The following AKAP6 variants were observed in gnomAD, a reference collection of about 807,000 sequenced individuals.
AKAP6 encodes the protein A-kinase anchoring protein 6.
In AKAP6, 58 loss-of-function variants were observed where a neutral mutation model predicts 188.5. The ratio of observed to expected loss-of-function variants is 0.31; its 90% CI spans 0.25 to 0.38. AKAP6 has a LOEUF of 0.38. Among genes scored for constraint, AKAP6 ranks in the 10% least tolerant of loss-of-function variants. The pLI is 1.00. For missense variants in AKAP6, 2,710 were observed against 2,740.0 expected, an observed-to-expected ratio of 0.99 and a Z score of 0.24; for synonymous variants, 989 against 998.6, an observed-to-expected ratio of 0.99 and a Z score of 0.18.
chr14:32,344,156 T>C (rs1326596628), intron 1 of AKAP6, among the ~76,000 whole-genome samples: 1 of 152,212 alleles, frequency 6.6e-6, no homozygotes, highest in East Asian at 1.9e-4. Context: ...CTAGAAGCTC[T>C]TTCTGGAGCC....
At chr14:32,438,063 A>T (rs1180553322) in intron 2 of AKAP6, among the ~76,000 whole-genome samples, 1 of 152,204 alleles carries the variant, frequency 6.6e-6, no homozygotes, top group Non-Finnish European at 1.5e-5. Flanking sequence ...GTCCAAGCCT[A>T]TGTGGTCAGT....
At chr14:32,690,076 T>TACACACACACACACAC (rs10658220) in intron 8 of AKAP6, among the ~76,000 whole-genome samples, 2 of 136,020 alleles carry the variant, frequency 1.5e-5, no homozygotes, top group East Asian at 4.4e-4. Context: ...TGCCCCAAAA[T>TACACACACACACACAC]ACACACACAC....
chr14:32,661,940 G>T (rs1311239227), intron 7 of AKAP6, among the ~76,000 whole-genome samples: 1 of 152,002 alleles, frequency 6.6e-6, no homozygotes, highest in Non-Finnish European at 1.5e-5. Context: ...TATTATCAAA[G>T]TATCAATATC....
chr14:32,390,634 A>C (rs1212607061), intron 1 of AKAP6, among the ~76,000 whole-genome samples: 1 of 152,106 alleles, frequency 6.6e-6, no homozygotes, highest in Non-Finnish European at 1.5e-5. Context: ...GGATCTAGCC[A>C]GCCAGCAAGT....
chr14:32,619,803 G>A (rs1261157325), intron 7 of AKAP6, among the ~76,000 whole-genome samples: 1 of 152,110 alleles, frequency 6.6e-6, no homozygotes, highest in East Asian at 1.9e-4. Flanking sequence ...CAATGTATGA[G>A]CATGGAATGT....
intron 11 of AKAP6, among the ~76,000 whole-genome samples, chr14:32,758,709 G>A (rs1304272843): frequency 6.6e-6 from 1 of 151,932 alleles, no homozygotes; most frequent in Non-Finnish European, 1.5e-5. Flanking sequence ...CTCCACCCTG[G>A]GCAACAAGAG....
intron 7 of AKAP6, among the ~76,000 whole-genome samples, chr14:32,637,404 T>G (rs1378086450): frequency 6.6e-6 from 1 of 152,032 alleles, no homozygotes; most frequent in South Asian, 2.1e-4. Flanking sequence ...GAGTGAAGAA[T>G]TATAGAAAAG....
intron 1 of AKAP6, among the ~76,000 whole-genome samples, chr14:32,388,825 C>T (rs1019755563): frequency 6.6e-6 from 1 of 151,986 alleles, no homozygotes; most frequent in Non-Finnish European, 1.5e-5. Context: ...AATGTATATT[C>T]TGCGGTTGTT....
chr14:32,499,732 A>G (rs1007718603), intron 2 of AKAP6, among the ~76,000 whole-genome samples: 5 of 151,728 alleles, frequency 3.3e-5, no homozygotes, highest in Admixed American at 6.6e-5. Flanking sequence ...ACTAAAAATG[A>G]TACTGAATAT....
chr14:32,713,587 TTGC>T (rs1223338949), intron 9 of AKAP6, among the ~76,000 whole-genome samples: 3 of 152,220 alleles, frequency 2.0e-5, no homozygotes, highest in Admixed American at 2.0e-4. Flanking sequence ...CCATCAGCAC[TTGC>T]TGCTTCACCT....
intron 2 of AKAP6, among the ~76,000 whole-genome samples, chr14:32,516,388 G>A (rs1227102989): frequency 6.6e-6 from 1 of 152,104 alleles, no homozygotes; most frequent in Admixed American, 6.5e-5. Context: ...AATATGAACT[G>A]TGGTGAACAG....
At chr14:32,534,825 G>A (rs758180492) in intron 2 of AKAP6, among the ~76,000 whole-genome samples, 5 of 151,822 alleles carry the variant, frequency 3.3e-5, no homozygotes, top group Non-Finnish European at 5.9e-5. Flanking sequence ...AATTAGCGGG[G>A]CGTGTGGCAG....
chr14:32,532,995 G>C (rs1449966984), intron 2 of AKAP6, among the ~76,000 whole-genome samples: 1 of 152,144 alleles, frequency 6.6e-6, no homozygotes, highest in East Asian at 1.9e-4. Context: ...GGTGGCATAG[G>C]GGAATTTCTG....
At chr14:32,621,085 A>C (rs995626873) in intron 7 of AKAP6, among the ~76,000 whole-genome samples, 1 of 151,924 alleles carries the variant, frequency 6.6e-6, no homozygotes, top group African/African-American at 2.4e-5. Flanking sequence ...TGGTTAATCT[A>C]GCTAATGGTC....
Position 32,545,289 on chromosome 14 carries a change from T to G in AKAP6, c.636T>G (p.Ser212=). 1 of 1,614,162 alleles carries G rather than the reference T, an allele frequency of 6.2e-7. No homozygotes were observed. The change falls in exon 4 of 14, where the codon TCT becomes TCG. Residue 212 remains serine, a synonymous_variant. Coordinates refer to ENST00000280979, the MANE Select transcript of AKAP6 (RefSeq NM_004274.5). Reference sequence around the variant, plus strand: ...CAGGACAATTAACCATCAAATGTTCTCAAAATTACTTGTCTCTGGATTGTG... The same window carrying G: ...CAGGACAATTAACCATCAAATGTTCGCAAAATTACTTGTCTCTGGATTGTG... The part of the protein sequence containing the change: ...DDSGQLTIKC[S]QNYLSLDCGI...
chr14:32,573,264 G>A (rs552776690), intron 4 of AKAP6, among the ~76,000 whole-genome samples: 9 of 152,186 alleles, frequency 5.9e-5, no homozygotes, highest in Non-Finnish European at 1.0e-4. Flanking sequence ...GCAGAGAGTA[G>A]AACATGCATA....
Position 32,735,827 on chromosome 14 carries a change from T to C in AKAP6, c.3317T>C (p.Leu1106Pro). The change falls in exon 11 of 14, where the codon CTG becomes CCG. Residue 1106 changes from leucine (L) to proline (P), a missense_variant. Physicochemically the swap from Leu to Pro is moderately conservative, Grantham distance 98. This residue lies in a region of AKAP6 where 2,473 missense variants were observed against 2,426.1 expected (regional missense o/e 1.02). Coordinates refer to ENST00000280979, the MANE Select transcript of AKAP6 (RefSeq NM_004274.5). The part of the protein sequence containing the change: ...DTELFIFNSC[L>P]RQEKEGTMNT... ...GAGCTTTTCATCTTCAATTCCTGTC[T>C]GAGACAAGAAAAGGAAGGAACAATG... The C allele has an allele frequency of 1.2e-6, 2 of 1,613,314 alleles. 1 individual carries two copies. The highest frequency in any genetic ancestry group is 2.2e-5 in the South Asian group (2 of 91,036).
chr14:32,440,961 G>A (rs1451886552), intron 2 of AKAP6, among the ~76,000 whole-genome samples: 1 of 152,008 alleles, frequency 6.6e-6, no homozygotes, highest in African/African-American at 2.4e-5. Flanking sequence ...AATAATAAGG[G>A]CTCTACCCTC....
At position 32,837,264 on chromosome 14, in the gene AKAP6, C is replaced by T. The variant is rs2034884638; in HGVS notation, c.*7459C>T. On this transcript the variant is annotated 3_prime_UTR_variant, in exon 14 of 14. Coordinates refer to ENST00000280979, the MANE Select transcript of AKAP6 (RefSeq NM_004274.5). ...CATAAAAATATGATGTAATAAGAAACAATCCTGAAATTATTAAAACATTTC... is the reference window on the plus strand; with the variant it reads ...CATAAAAATATGATGTAATAAGAAATAATCCTGAAATTATTAAAACATTTC... 6.6e-6 allele frequency: 1 copy of T among 152,128 alleles called. No homozygotes were observed. Among genetic ancestry groups the T allele is most frequent in the African/African-American group, 2.4e-5 (1 of 41,428 alleles). 9.4% of individuals were successfully genotyped at this position (152,128 alleles called of 1,614,324 possible).
Sources: gnomAD v4.1 joint callset for allele counts (sites outside exome capture counted in the v4.1 genomes callset) on GRCh38, gnomAD v4.1.1 for gene constraint, gnomAD v4.1.1 regional missense constraint, MANE v1.5 for transcripts, NCBI Gene and HGNC (gene_info 2026-07-23, HGNC 2026-07-21) for gene names.